Variants in STXBP5L observed in about 807,000 individuals in gnomAD.
STXBP5L encodes the protein syntaxin-binding protein 5-like.
STXBP5L carries 65 observed loss-of-function variants against 144.5 expected under a neutral mutation model. The ratio of observed to expected loss-of-function variants is 0.45; its 90% CI spans 0.37 to 0.55. The LOEUF (loss-of-function observed/expected upper bound fraction) is 0.55, where lower values mean the gene tolerates loss of function less well. Among genes scored for constraint, STXBP5L ranks in the 20% least tolerant of loss-of-function variants. The pLI, the probability that STXBP5L is intolerant of heterozygous loss-of-function variation, is 0.00. For synonymous variants in STXBP5L, 505 were observed against 469.6 expected (o/e 1.08, Z -0.97); for missense variants, 1,298 against 1,405.5 (o/e 0.92, Z 1.22).
At chr3:121,366,522 A>C (rs2045868272) in intron 20 of STXBP5L, among the ~76,000 whole-genome samples, 1 of 151,838 alleles carries the variant, frequency 6.6e-6, no homozygotes, top group Non-Finnish European at 1.5e-5. Flanking sequence ...TAACTTTATA[A>C]ATTTAAAGAC....
chr3:121,288,114 T>A (rs1310729479), intron 19 of STXBP5L, among the ~76,000 whole-genome samples: 1 of 152,216 alleles, frequency 6.6e-6, no homozygotes, highest in African/African-American at 2.4e-5. Context: ...CTTGCATTAG[T>A]TAGCTTAGAA....
chr3:121,106,447 A>C (rs1178407467), intron 5 of STXBP5L, among the ~76,000 whole-genome samples: 1 of 151,994 alleles, frequency 6.6e-6, no homozygotes, highest in Non-Finnish European at 1.5e-5. Context: ...GTTGTTCCCC[A>C]TGTATTCTCA....
chr3:121,203,104 G>A (rs2048202600), intron 9 of STXBP5L, among the ~76,000 whole-genome samples: 1 of 147,468 alleles, frequency 6.8e-6, no homozygotes, highest in Admixed American at 6.8e-5. Context: ...AATAATCTCT[G>A]TGTTCTTCCA....
chr3:121,044,914 A>T (rs1369861784), intron 4 of STXBP5L, among the ~76,000 whole-genome samples: 1 of 152,164 alleles, frequency 6.6e-6, no homozygotes, highest in South Asian at 2.1e-4. Context: ...TTTATAATTG[A>T]TGAAGCTTCT....
At chr3:121,244,523 A>G (rs1232024600) in intron 14 of STXBP5L, among the ~76,000 whole-genome samples, 1 of 152,038 alleles carries the variant, frequency 6.6e-6, no homozygotes, top group Non-Finnish European at 1.5e-5. Context: ...TTGAAGAAAT[A>G]ATGGTCAAAA....
chr3:121,362,251 C>G (rs1000446651), intron 20 of STXBP5L, among the ~76,000 whole-genome samples: 1 of 152,216 alleles, frequency 6.6e-6, no homozygotes, highest in Admixed American at 6.5e-5. Flanking sequence ...TAGTGTAGCA[C>G]TGGGTCTCAC....
At chr3:121,143,403 T>C (rs138126562) in intron 7 of STXBP5L, among the ~76,000 whole-genome samples, 103 of 151,520 alleles carry the variant, frequency 6.8e-4, no homozygotes, top group Non-Finnish European at 1.2e-3. Flanking sequence ...TGAAAATTCA[T>C]GATGAAATAG....
intron 3 of STXBP5L, among the ~76,000 whole-genome samples, chr3:121,004,683 G>A (rs1026986828): frequency 2.0e-5 from 3 of 152,090 alleles, no homozygotes; most frequent in Non-Finnish European, 4.4e-5. Context: ...TATTGGCTGT[G>A]GGTTTGTCAT....
At chr3:121,225,491 T>C (rs1245080663) in intron 11 of STXBP5L, among the ~76,000 whole-genome samples, 1 of 152,062 alleles carries the variant, frequency 6.6e-6, no homozygotes, top group Non-Finnish European at 1.5e-5. Context: ...TACAAAATTC[T>C]TTCCCAGGAG....
chr3:121,361,707 A>T (rs991835917), intron 20 of STXBP5L, among the ~76,000 whole-genome samples: 1 of 146,724 alleles, frequency 6.8e-6, no homozygotes, highest in African/African-American at 2.5e-5. Context: ...GTTATCTCGA[A>T]TTTTTTTTTT....
At chr3:121,142,214 T>TTA (rs2045537516) in intron 7 of STXBP5L, among the ~76,000 whole-genome samples, 1 of 151,716 alleles carries the variant, frequency 6.6e-6, no homozygotes, top group Non-Finnish European at 1.5e-5. Context: ...AAAATAATGA[T>TTA]TATAAATATA....
chr3:121,074,439 C>T lies in STXBP5L; in HGVS notation c.470+28904C>T, dbSNP rs151119947. Among the ~76,000 whole-genome samples the T allele has an allele frequency of 1.5e-3, 234 of 152,154 alleles. 3 individuals carry two copies. Among genetic ancestry groups the T allele is most frequent in the African/African-American group, 5.3e-3 (220 of 41,504 alleles). ...AGACAAGGCACATCTTTGCATTATCCCAAATTTAAGGAGCCAGTCTATATG... is the reference window on the plus strand; with the variant it reads ...AGACAAGGCACATCTTTGCATTATCTCAAATTTAAGGAGCCAGTCTATATG... On this transcript the variant is annotated intron_variant, in intron 5 of 26. Transcript: ENST00000471454.
At chr3:121,029,109 G>C (rs1049882661) in intron 3 of STXBP5L, among the ~76,000 whole-genome samples, 5 of 152,128 alleles carry the variant, frequency 3.3e-5, no homozygotes, top group Non-Finnish European at 7.4e-5. Context: ...ACTGACCAAA[G>C]TAATTCATAG....
intron 19 of STXBP5L, among the ~76,000 whole-genome samples, chr3:121,291,397 A>G (rs2108465366): frequency 6.6e-6 from 1 of 152,322 alleles, no homozygotes; most frequent in African/African-American, 2.4e-5. Context: ...TGCTGAAATA[A>G]ATAATGGACA....
intron 22 of STXBP5L, among the ~76,000 whole-genome samples, chr3:121,393,289 C>T (rs1250710063): frequency 1.3e-5 from 2 of 151,214 alleles, no homozygotes; most frequent in African/African-American, 2.4e-5. Flanking sequence ...TTGTGTTTTC[C>T]TTTTTGAATT....
chr3:121,346,169 T>A (rs1323569389), intron 20 of STXBP5L, among the ~76,000 whole-genome samples: 2 of 149,310 alleles, frequency 1.3e-5, no homozygotes, highest in Non-Finnish European at 3.0e-5. Context: ...GTGTTCTCAT[T>A]GTTCAATTCC....
chr3:121,357,947 CT>C (rs567697988), intron 20 of STXBP5L: 15 of 152,118 alleles, frequency 9.9e-5, no homozygotes, highest in African/African-American at 3.1e-4. Context: ...ATTTTAAAAT[CT>C]TTTTTTCTTT....
At position 121,027,514 on chromosome 3, in the gene STXBP5L, CT is replaced by C. The variant is rs555714534; in HGVS notation, c.288-14181del. Reference sequence around the variant, plus strand: ...TGTAGGGAAGAATTTGTTTTCCTTCCTTTTTCAGCTTCTAAAGGCTGCCTTT... The same window carrying C: ...TGTAGGGAAGAATTTGTTTTCCTTCCTTTTCAGCTTCTAAAGGCTGCCTTT... On this transcript the variant is annotated intron_variant, in intron 3 of 26. Transcript: ENST00000471454. 1.1e-3 allele frequency among the ~76,000 whole-genome samples: 174 copies of C among 152,140 alleles called. 1 individual carries two copies. The highest frequency in any genetic ancestry group is 4.0e-3 in the African/African-American group (168 of 41,546).
At chr3:121,069,064 T>C (rs183262712) in intron 5 of STXBP5L, among the ~76,000 whole-genome samples, 178 of 152,274 alleles carry the variant, frequency 1.2e-3, no homozygotes, top group African/African-American at 4.2e-3. Context: ...ACTACACTCA[T>C]GTAACAACCA....
Sources: gnomAD v4.1 joint callset for allele counts (sites outside exome capture counted in the v4.1 genomes callset) on GRCh38, gnomAD v4.1.1 for gene constraint, MANE v1.5 for transcripts, NCBI Gene and HGNC (gene_info 2026-07-23, HGNC 2026-07-21) for gene names.